Variants in IQCH observed in about 807,000 individuals in gnomAD.
IQCH encodes the protein IQ motif containing H, also known as IQ domain-containing protein H.
Under a neutral mutation model 117.0 loss-of-function variants are expected in IQCH, and 98 were observed. The observed-to-expected ratio is 0.84, with a 90% CI of 0.71 to 0.99. The LOEUF is 0.99. IQCH is among the 50% of genes least tolerant of loss of function. The pLI, the probability that IQCH is intolerant of heterozygous loss-of-function variation, is 0.00. For synonymous variants in IQCH, 412 were observed against 448.2 expected (o/e 0.92, Z 1.02); for missense variants, 1,102 against 1,243.8 (o/e 0.89, Z 1.72).
chr15:67,308,274 C>G (rs1245245765), intron 4 of IQCH, among the ~76,000 whole-genome samples: 2 of 152,158 alleles, frequency 1.3e-5, no homozygotes, highest in Non-Finnish European at 2.9e-5. Context: ...TCTATTCTTT[C>G]TCACACCTGC....
Position 67,453,513 on chromosome 15 carries a change from A to G in IQCH, c.2506-11614A>G, listed in dbSNP as rs771546342. ...CACTCCAGACACTGTTTGCCTGGGT[A>G]TCAGCAGCGGTGGCTGCAGAACAGT... On this transcript the variant is annotated intron_variant, in intron 16 of 20. Transcript: ENST00000335894. The surrounding 1 kb of genome is among the most constrained non-coding windows in gnomAD (Gnocchi z 5.8). Among the ~76,000 whole-genome samples the G allele has an allele frequency of 1.3e-5, 2 of 152,168 alleles. No homozygotes were observed. The highest frequency in any genetic ancestry group is 2.4e-5 in the African/African-American group (1 of 41,444).
chr15:67,399,997 A>G, intron 13 of IQCH, 117 bp from the exon 14 acceptor site: 1 of 727,746 alleles, frequency 1.4e-6, no homozygotes, highest in Non-Finnish European at 2.3e-6. Context: ...AGATAACCAA[A>G]TGAACAGACC....
chr15:67,260,392 T>C (rs1348030108), intron 1 of IQCH, among the ~76,000 whole-genome samples: 6 of 152,210 alleles, frequency 3.9e-5, no homozygotes, highest in Admixed American at 6.5e-5. Context: ...TATATGTTCC[T>C]TTTTCTTCAG....
chr15:67,361,979 T>C (rs2140753569), intron 8 of IQCH, among the ~76,000 whole-genome samples: 1 of 152,276 alleles, frequency 6.6e-6, no homozygotes, highest in Middle Eastern at 3.4e-3. Context: ...TAAAAATCTA[T>C]TTTATGGATA....
At chr15:67,461,205 G>A (rs990230173) in intron 16 of IQCH, among the ~76,000 whole-genome samples, 1 of 152,080 alleles carries the variant, frequency 6.6e-6, no homozygotes, top group Admixed American at 6.6e-5. Flanking sequence ...TTGAAACCCC[G>A]TCCCTACTAA....
rs1029688146 is a variant in IQCH at position 67,422,239 on chromosome 15, G to A, written c.2505+662G>A. Among the ~76,000 whole-genome samples the A allele has an allele frequency of 1.3e-5, 2 of 152,114 alleles. No individual in the cohort carries two copies. Among genetic ancestry groups the A allele is most frequent in the African/African-American group, 4.8e-5 (2 of 41,426 alleles). The stretch of plus-strand genomic sequence containing the variant: ...CCATCCAGGGAGTGGAACCGGTCTA[G>A]AGCCTGTTTTATATAGAAAATCAAT... On this transcript the variant is annotated intron_variant, in intron 16 of 20. Coordinates refer to ENST00000335894, the MANE Select transcript of IQCH (RefSeq NM_001031715.3). This position sits in a 1 kb window ranked among gnomAD's most constrained non-coding sequence, Gnocchi z 4.7.
intron 4 of IQCH, among the ~76,000 whole-genome samples, chr15:67,323,365 C>T (rs911846553): frequency 1.3e-5 from 2 of 151,388 alleles, no homozygotes; most frequent in Admixed American, 6.6e-5. Context: ...GCCCCAGCCT[C>T]CCGAGTAGCT....
intron 12 of IQCH, among the ~76,000 whole-genome samples, chr15:67,392,689 A>G (rs1158126304): frequency 1.3e-5 from 2 of 149,544 alleles, no homozygotes; most frequent in East Asian, 2.0e-4. Context: ...AGATGGGAGG[A>G]TCGCTTGAGC....
At chr15:67,397,119 A>G (rs1050295759) in intron 13 of IQCH, among the ~76,000 whole-genome samples, 5 of 152,264 alleles carry the variant, frequency 3.3e-5, no homozygotes, top group Non-Finnish European at 5.9e-5. Flanking sequence ...TATTACAAGC[A>G]AAATAAAATT....
chr15:67,270,417 T>A (rs2140452359), intron 3 of IQCH, among the ~76,000 whole-genome samples: 1 of 152,282 alleles, frequency 6.6e-6, no homozygotes, highest in South Asian at 2.1e-4. Flanking sequence ...TTGCTGAAGG[T>A]TTTTTATCAT....
At chr15:67,375,855 C>T (rs949552948) in intron 10 of IQCH, among the ~76,000 whole-genome samples, 4 of 145,210 alleles carry the variant, frequency 2.8e-5, no homozygotes, top group African/African-American at 1.0e-4. Flanking sequence ...GGTGCGATCT[C>T]GGCTCAGTGC....
At chr15:67,336,686 T>C (rs1335404305) in intron 4 of IQCH, among the ~76,000 whole-genome samples, 2 of 152,222 alleles carry the variant, frequency 1.3e-5, no homozygotes, top group African/African-American at 4.8e-5. Flanking sequence ...ATTGTAGTCA[T>C]TAAAATTGAA....
At chr15:67,398,512 C>T (rs537195232) in intron 13 of IQCH, among the ~76,000 whole-genome samples, 1 of 152,234 alleles carries the variant, frequency 6.6e-6, no homozygotes, top group Admixed American at 6.5e-5. Context: ...TTCACCCTCA[C>T]TGAATACCCC....
rs1306866380 is a variant in IQCH, at chr15:67,422,542, T to A, written c.2505+965T>A. ...ACTGTCTCATACCTGGGGTTTTAATTCCCTTTCATCTCTATGCTTTCATCA... is the reference window on the plus strand; with the variant it reads ...ACTGTCTCATACCTGGGGTTTTAATACCCTTTCATCTCTATGCTTTCATCA... On this transcript the variant is annotated intron_variant, in intron 16 of 20. Coordinates refer to ENST00000335894, the MANE Select transcript of IQCH (RefSeq NM_001031715.3). The surrounding 1 kb of genome is among the most constrained non-coding windows in gnomAD (Gnocchi z 4.7). 2.6e-5 allele frequency among the ~76,000 whole-genome samples: 4 copies of A among 152,230 alleles called. No homozygotes were observed. In the East Asian group the frequency reaches 7.7e-4, roughly 29 times the overall value.
Position 67,404,583 on chromosome 15 carries a change from T to C in IQCH, c.2097+4278T>C, listed in dbSNP as rs755664184. The C allele has an allele frequency of 1.3e-5, 2 of 152,194 alleles. No individual in the cohort carries two copies. The highest frequency in any genetic ancestry group is 2.4e-5 in the African/African-American group (1 of 41,428). The allele number at this position is 152,194 out of a possible 1,614,324, so 9.4% of individuals were successfully genotyped here. A position where few individuals can be genotyped will look rare whatever the true frequency, so the allele number is the denominator to read the frequency against. ...ACATAGTTGTTTTCATTTTTGTATA[T>C]TAATTTCTAAATATGCAGTATTTCT... On this transcript the variant is annotated intron_variant, in intron 14 of 20. Transcript: ENST00000335894. This position sits in a 1 kb window ranked among gnomAD's most constrained non-coding sequence, Gnocchi z 4.6.
intron 4 of IQCH, among the ~76,000 whole-genome samples, chr15:67,301,430 A>ATTTT (rs1967033817): frequency 1.6e-5 from 2 of 122,222 alleles, no homozygotes; most frequent in East Asian, 2.5e-4. Context: ...TTTTTTTTGA[A>ATTTT]ACCGAGTCTC....
Position 67,459,080 on chromosome 15 carries a change from G to A in IQCH, c.2506-6047G>A, listed in dbSNP as rs1054064982. 6.6e-6 allele frequency among the ~76,000 whole-genome samples: 1 copy of A among 152,326 alleles called. No homozygotes were observed. Among genetic ancestry groups the A allele is most frequent in the South Asian group, 2.1e-4 (1 of 4,826 alleles). On this transcript the variant is annotated intron_variant, in intron 16 of 20. Transcript: ENST00000335894. This position sits in a 1 kb window ranked among gnomAD's most constrained non-coding sequence, Gnocchi z 4.2. ...CAGTGAGTGATTAGTTAAGGAAAGT[G>A]TGGCCCGGAGAGGCAACTTCTTTTG...
intron 8 of IQCH, among the ~76,000 whole-genome samples, chr15:67,367,604 G>T (rs1970380426): frequency 6.6e-6 from 1 of 152,074 alleles, no homozygotes; most frequent in South Asian, 2.1e-4. Flanking sequence ...TCAAGGCCAG[G>T]TTGGCTCTGA....
intron 6 of IQCH, among the ~76,000 whole-genome samples, chr15:67,354,689 A>C (rs1030770576): frequency 6.6e-6 from 1 of 152,222 alleles, no homozygotes; most frequent in African/African-American, 2.4e-5. Context: ...GCATGTGACT[A>C]TAAATATCAG....
Sources: allele counts gnomAD v4.1 joint callset (sites outside exome capture counted in the v4.1 genomes callset), GRCh38; gene constraint gnomAD v4.1.1; non-coding constraint Gnocchi (gnomAD v3.1); transcripts MANE v1.5; gene names NCBI Gene and HGNC (gene_info 2026-07-23, HGNC 2026-07-21).